RBFOX1: variants seen among roughly 807,000 people sequenced by gnomAD.
RBFOX1 encodes RNA binding protein fox-1 homolog 1.
In RBFOX1, 8 loss-of-function variants were observed where a neutral mutation model predicts 57.7. That is an observed-to-expected ratio of 0.14 (90% CI 0.08 to 0.25). The LOEUF is 0.25. Ranked by LOEUF, RBFOX1 falls within the 10% of genes least tolerant of loss-of-function variation. The pLI is 1.00. For synonymous variants in RBFOX1, 326 were observed against 222.4 expected (o/e 1.47, Z -4.15); for missense variants, 611 against 548.5 (o/e 1.11, Z -1.14).
At position 7,280,682 on chromosome 16, in the gene RBFOX1, G is replaced by C. The variant is rs540481581; in HGVS notation, c.27+228584G>C. Reference sequence around the variant, plus strand: ...TCCTAGAACATATTTCTCAAGAGGGGCCCTGCTGACGTTTTGGACCAGATT... The same window carrying C: ...TCCTAGAACATATTTCTCAAGAGGGCCCCTGCTGACGTTTTGGACCAGATT... On this transcript the variant is annotated intron_variant, in intron 4 of 15. Transcript: ENST00000550418. Among the ~76,000 whole-genome samples the C allele has an allele frequency of 5.3e-5, 8 of 152,262 alleles. No individual in the cohort carries two copies. In the East Asian group the frequency reaches 1.5e-3, roughly 29 times the overall value.
intron 4 of RBFOX1, among the ~76,000 whole-genome samples, chr16:7,263,920 TAAA>T (rs34267221): frequency 3.2e-5 from 4 of 124,856 alleles, no homozygotes; most frequent in African/African-American, 5.8e-5. Context: ...ATATATAAAT[TAAA>T]AAAAAAAAAA....
At chr16:6,687,426 C>T (rs537111647) in intron 3 of RBFOX1, among the ~76,000 whole-genome samples, 2 of 152,088 alleles carry the variant, frequency 1.3e-5, no homozygotes, top group East Asian at 3.9e-4. Flanking sequence ...CTTGTATTAC[C>T]CAAAGGCTAC....
chr16:7,596,357 T>C (rs978230669), intron 8 of RBFOX1, among the ~76,000 whole-genome samples: 6 of 151,792 alleles, frequency 4.0e-5, no homozygotes, highest in Non-Finnish European at 7.4e-5. Flanking sequence ...CACAGGGTCA[T>C]ATTTGTTAAT....
intron 3 of RBFOX1, among the ~76,000 whole-genome samples, chr16:6,840,576 A>G (rs1222876357): frequency 6.6e-6 from 1 of 152,018 alleles, no homozygotes; most frequent in African/African-American, 2.4e-5. Flanking sequence ...GCCCTCATGA[A>G]TGGGATTAGT....
intron 2 of RBFOX1, among the ~76,000 whole-genome samples, chr16:5,501,954 C>G (rs948066385): frequency 6.6e-6 from 1 of 151,978 alleles, no homozygotes; most frequent in Non-Finnish European, 1.5e-5. Flanking sequence ...AACTCCTGGC[C>G]TCAAGTGATC....
At chr16:7,123,312 A>G (rs1225773354) in intron 4 of RBFOX1, among the ~76,000 whole-genome samples, 1 of 152,268 alleles carries the variant, frequency 6.6e-6, no homozygotes, top group East Asian at 1.9e-4. Flanking sequence ...CACATTTAAA[A>G]ATATTTGTGG....
At chr16:7,067,294 C>CTAACAAAT (rs1406787198) in intron 4 of RBFOX1, among the ~76,000 whole-genome samples, 2 of 107,646 alleles carry the variant, frequency 1.9e-5, no homozygotes, top group Non-Finnish European at 4.1e-5. Context: ...TATTGTGGCC[C>CTAACAAAT]TAACAAATTA....
chr16:7,037,433 A>G (rs2044830172), intron 3 of RBFOX1, among the ~76,000 whole-genome samples: 1 of 151,778 alleles, frequency 6.6e-6, no homozygotes, highest in African/African-American at 2.4e-5. Flanking sequence ...CCCAGCCCCT[A>G]TTCAAGATGG....
chr16:5,879,770 A>G (rs60226700), intron 4 of RBFOX1, among the ~76,000 whole-genome samples: 4,216 of 152,266 alleles, frequency 0.028, 181 homozygotes, highest in African/African-American at 0.095. Context: ...GGGTGGCTCT[A>G]TCCATCTGTT....
intron 4 of RBFOX1, among the ~76,000 whole-genome samples, chr16:5,919,327 G>A (rs1048184551): frequency 1.6e-4 from 24 of 152,108 alleles, no homozygotes; most frequent in African/African-American, 5.5e-4. Flanking sequence ...CAGAGCTGTT[G>A]TTTTAATTGC....
At chr16:6,454,456 C>G (rs2094709903) in intron 2 of RBFOX1, among the ~76,000 whole-genome samples, 1 of 151,970 alleles carries the variant, frequency 6.6e-6, no homozygotes, top group African/African-American at 2.4e-5. Context: ...ATTTGGGAGG[C>G]TGAGGAGGGA....
chr16:7,152,613 G>A (rs770148608), intron 4 of RBFOX1, among the ~76,000 whole-genome samples: 1 of 152,124 alleles, frequency 6.6e-6, no homozygotes, highest in East Asian at 1.9e-4. Flanking sequence ...TCTCTGTGGT[G>A]TCTGTCTTAT....
intron 4 of RBFOX1, among the ~76,000 whole-genome samples, chr16:7,379,177 G>C (rs909041750): frequency 2.6e-5 from 4 of 152,100 alleles, no homozygotes; most frequent in East Asian, 1.9e-4. Context: ...TTCCTCTCAA[G>C]GTTAAGGGGA....
chr16:6,241,720 A>T (rs1329611242), intron 1 of RBFOX1, among the ~76,000 whole-genome samples: 1 of 152,230 alleles, frequency 6.6e-6, no homozygotes, highest in African/African-American at 2.4e-5. Context: ...ATCAACACCA[A>T]TCAAGGAAGC....
At chr16:6,974,330 C>CTT (rs2086281202) in intron 3 of RBFOX1, among the ~76,000 whole-genome samples, 1 of 55,156 alleles carries the variant, frequency 1.8e-5, no homozygotes, top group Non-Finnish European at 3.9e-5. Context: ...ACATTTTTTT[C>CTT]TTTTTCTTTT....
At chr16:7,451,198 A>T (rs548020275) in intron 4 of RBFOX1, among the ~76,000 whole-genome samples, 1 of 152,290 alleles carries the variant, frequency 6.6e-6, no homozygotes, top group East Asian at 1.9e-4. Context: ...TCGGATTTCT[A>T]TGGAGGCTTT....
intron 3 of RBFOX1, among the ~76,000 whole-genome samples, chr16:5,676,471 C>T (rs750489625): frequency 1.3e-5 from 2 of 152,170 alleles, no homozygotes; most frequent in Non-Finnish European, 2.9e-5. Flanking sequence ...TGACCTTGAG[C>T]AAGTCACTCA....
chr16:5,642,589 C>T (rs2151333723), intron 3 of RBFOX1, among the ~76,000 whole-genome samples: 1 of 152,232 alleles, frequency 6.6e-6, no homozygotes, highest in Admixed American at 6.5e-5. Context: ...GGAGATTGTG[C>T]AAACTTGAAT....
chr16:5,591,230 C>G (rs895827100), intron 2 of RBFOX1, among the ~76,000 whole-genome samples: 2 of 151,680 alleles, frequency 1.3e-5, no homozygotes, highest in East Asian at 2.0e-4. Context: ...CTACCACATC[C>G]TTTTCCTTCT....
Sources: allele counts gnomAD v4.1 joint callset (sites outside exome capture counted in the v4.1 genomes callset), GRCh38; gene constraint gnomAD v4.1.1; transcripts MANE v1.5; gene names NCBI Gene and HGNC (gene_info 2026-07-23, HGNC 2026-07-21).